Variants in TDRD15 observed in about 807,000 individuals in gnomAD.
TDRD15 encodes tudor domain-containing protein 15.
For missense variants in TDRD15, 1,416 were observed against 904.7 expected, an observed-to-expected ratio of 1.57 and a Z score of -7.25; for synonymous variants, 503 against 314.5, an observed-to-expected ratio of 1.60 and a Z score of -6.34.
chr2:21,142,360 A>G lies in TDRD15; in HGVS notation c.4893A>G (p.Arg1631=), dbSNP rs1252718766. Residue 1631 remains arginine, a synonymous_variant, in exon 4 of 4, where the codon AGA becomes AGG. Coordinates refer to ENST00000405799, the MANE Select transcript of TDRD15 (RefSeq NM_001306137.2). ...CNTKLLSNEI[R]NIPRQAVPCK... ...CCAAGCTGCTTAGTAATGAAATAAGAAACATTCCTAGACAAGCTGTACCTT... is the reference window on the plus strand; with the variant it reads ...CCAAGCTGCTTAGTAATGAAATAAGGAACATTCCTAGACAAGCTGTACCTT... 1 of 692,000 alleles carries G rather than the reference A, an allele frequency of 1.4e-6. No homozygotes were observed. Among genetic ancestry groups the G allele is most frequent in the African/African-American group, 1.8e-5 (1 of 55,746 alleles). The allele number at this position is 692,000 out of a possible 1,614,324, so 42.9% of individuals were successfully genotyped here.
chr2:21,136,527 T>C (rs537339836), intron 3 of TDRD15, among the ~76,000 whole-genome samples: 1 of 152,108 alleles, frequency 6.6e-6, no homozygotes, highest in African/African-American at 2.4e-5. Flanking sequence ...TTTAAGAGGT[T>C]CCCTCATTTT....
chr2:21,126,624 C>A (rs1319656383), intron 1 of TDRD15, among the ~76,000 whole-genome samples: 16 of 152,160 alleles, frequency 1.1e-4, no homozygotes, highest in Admixed American at 1.0e-3. Flanking sequence ...CCTTGGCCTC[C>A]CAAAGTGCTG....
chr2:21,138,920 A>T lies in TDRD15; in HGVS notation c.1453A>T (p.Ile485Leu). ...ACAAATGGAGATAGAGGCTGCCTAC[A>T]TAGCTTTTATAGCATATGTATTAAA... ...TVQMEIEAAY[I>L]AFIAYVLNPS... is the part of the protein sequence containing the mutation. The change falls in exon 4 of 4, where the codon ATA (isoleucine) becomes TTA (leucine). Residue 485 changes from isoleucine to leucine, a missense_variant. Coordinates refer to ENST00000405799, the MANE Select transcript of TDRD15 (RefSeq NM_001306137.2). 1.4e-6 allele frequency: 1 copy of T among 715,352 alleles called. No homozygotes were observed. Among genetic ancestry groups the T allele is most frequent in the South Asian group, 1.5e-5 (1 of 67,388 alleles). 44.3% of individuals were successfully genotyped at this position (715,352 alleles called of 1,614,324 possible).
In TDRD15 at chr2:21,139,424, A is replaced by G. The variant is rs933482625; in HGVS notation, c.1957A>G (p.Ile653Val). The G allele has an allele frequency of 1.4e-6, 1 of 712,738 alleles. No homozygotes were observed. Among genetic ancestry groups the G allele is most frequent in the Non-Finnish European group, 2.6e-6 (1 of 383,376 alleles). The allele number at this position is 712,738 out of a possible 1,614,324, so 44.2% of individuals were successfully genotyped here. The change falls in exon 4 of 4, where the codon ATC becomes GTC. Residue 653 changes from isoleucine to valine, a missense_variant. By Grantham distance (29) the Ile-to-Val change is conservative (BLOSUM62 3). Transcript: ENST00000405799. ...TGAAGCCTCAGAAAATATTGATGTT[A>G]TCTCTCTTATGTTACAAGCTGGATA... is the stretch of plus-strand genomic sequence containing the variant. The part of the protein sequence containing the change: ...SVEASENIDV[I>V]SLMLQAGYAE...
Position 21,140,863 on chromosome 2 carries a change from T to C in TDRD15, c.3396T>C (p.Asn1132=). The change falls in exon 4 of 4, where the codon AAT becomes AAC. Residue 1132 remains asparagine (N), a synonymous_variant. Coordinates refer to ENST00000405799, the MANE Select transcript of TDRD15 (RefSeq NM_001306137.2). ...IELYDGSQYI[N]EKIKVLLHAY... ...TGTATGATGGATCTCAATATATAAATGAGAAAATTAAAGTGTTGCTTCATG... is the reference window on the plus strand; with the variant it reads ...TGTATGATGGATCTCAATATATAAACGAGAAAATTAAAGTGTTGCTTCATG... 1.4e-6 allele frequency: 1 copy of C among 711,148 alleles called. No homozygotes were observed. Among genetic ancestry groups the C allele is most frequent in the Non-Finnish European group, 2.6e-6 (1 of 382,480 alleles). The allele number at this position is 711,148 out of a possible 1,614,324, so 44.1% of individuals were successfully genotyped here.
intron 3 of TDRD15, among the ~76,000 whole-genome samples, chr2:21,136,246 CTT>C (rs1665804871): frequency 6.6e-6 from 1 of 151,956 alleles, no homozygotes; most frequent in Non-Finnish European, 1.5e-5. Context: ...AACATTTAGA[CTT>C]TGGTGAGACT....
chr2:21,137,581 A>G lies in TDRD15; in HGVS notation c.114A>G (p.Glu38=), dbSNP rs1665831590. The G allele has an allele frequency of 1.4e-6, 1 of 715,644 alleles. No individual in the cohort carries two copies. 44.3% of individuals were successfully genotyped at this position (715,644 alleles called of 1,614,324 possible). ...AATTTCAAGGCATAAAGAGTAATGA[A>G]TGTGAGTTTGACTACCATGTATTGC... The part of the protein sequence containing the change: ...LVKFQGIKSN[E]CEFDYHVLQR... The change falls in exon 4 of 4, where the codon GAA becomes GAG. Residue 38 remains glutamate, a synonymous_variant. Transcript: ENST00000405799.
At position 21,140,793 on chromosome 2, in the gene TDRD15, C is replaced by T. The variant is rs542379930; in HGVS notation, c.3326C>T (p.Ala1109Val). The change falls in exon 4 of 4, where the codon GCG becomes GTG. Residue 1109 changes from alanine to valine, a missense_variant. Physicochemically the swap from Ala to Val is moderately conservative, Grantham distance 64 (BLOSUM62 0). Transcript: ENST00000405799. ...AATTTCTTGGGAAGATCATTAAAGG[C>T]GATAATATTGTCCCAGGAGTCAGAT... ...KDNFLGRSLK[A>V]IILSQESDGQ... 11 of 715,192 alleles carry T rather than the reference C, an allele frequency of 1.5e-5. No individual in the cohort carries two copies. The highest frequency in any genetic ancestry group is 2.3e-5 in the Non-Finnish European group (9 of 383,588). The allele number at this position is 715,192 out of a possible 1,614,324, so 44.3% of individuals were successfully genotyped here. A position where few individuals can be genotyped will look rare whatever the true frequency, so the allele number is the denominator to read the frequency against.
chr2:21,136,468 A>G (rs999693817), intron 3 of TDRD15, among the ~76,000 whole-genome samples: 9 of 151,878 alleles, frequency 5.9e-5, no homozygotes, highest in South Asian at 2.1e-4. Flanking sequence ...GGACTTTGCT[A>G]TTTCTTTCAG....
intron 2 of TDRD15, among the ~76,000 whole-genome samples, chr2:21,132,253 G>A (rs1035954996): frequency 3.9e-5 from 6 of 152,040 alleles, no homozygotes; most frequent in South Asian, 2.1e-4. Context: ...TAGCTCTGTC[G>A]GACTTCATAA....
intron 2 of TDRD15, among the ~76,000 whole-genome samples, chr2:21,130,799 A>G (rs961650704): frequency 1.3e-5 from 2 of 152,200 alleles, no homozygotes; most frequent in African/African-American, 2.4e-5. Context: ...TAGTCATTGT[A>G]TTATTTACTA....
chr2:21,142,278 A>C lies in TDRD15; in HGVS notation c.4811A>C (p.Lys1604Thr), dbSNP rs1665951010. ...SKVEEKYVDD[K>T]VLVFLVDCGI... ...GTAGAAGAAAAGTATGTTGATGATAAAGTACTTGTTTTTTTAGTAGATTGT... is the reference window on the plus strand; with the variant it reads ...GTAGAAGAAAAGTATGTTGATGATACAGTACTTGTTTTTTTAGTAGATTGT... Residue 1604 changes from lysine to threonine, a missense_variant, in exon 4 of 4, where the codon AAA becomes ACA. Coordinates refer to ENST00000405799, the MANE Select transcript of TDRD15 (RefSeq NM_001306137.2). 1 of 692,438 alleles carries C rather than the reference A, an allele frequency of 1.4e-6. No homozygotes were observed. Among genetic ancestry groups the C allele is most frequent in the East Asian group, 2.7e-5 (1 of 37,040 alleles). 42.9% of individuals were successfully genotyped at this position (692,438 alleles called of 1,614,324 possible). A position where few individuals can be genotyped will look rare whatever the true frequency, so the allele number is the denominator to read the frequency against.
Position 21,143,248 on chromosome 2 carries a change from T to C in TDRD15, c.5781T>C (p.Thr1927=), listed in dbSNP as rs769634413. The part of the protein sequence containing the change: ...DSPHLDAITA[T]ESAKNPI ...CTCATCTTGATGCAATTACTGCTACTGAATCTGCTAAAAATCCAATATAAA... is the reference window on the plus strand; with the variant it reads ...CTCATCTTGATGCAATTACTGCTACCGAATCTGCTAAAAATCCAATATAAA... Residue 1927 remains threonine (T), a synonymous_variant, in exon 4 of 4, where the codon ACT becomes ACC. Coordinates refer to ENST00000405799, the MANE Select transcript of TDRD15 (RefSeq NM_001306137.2). 43 of 615,714 alleles carry C rather than the reference T, an allele frequency of 7.0e-5. 1 individual carries two copies. In the South Asian group the frequency reaches 7.7e-4, roughly 11 times the overall value. The allele number at this position is 615,714 out of a possible 1,614,324, so 38.1% of individuals were successfully genotyped here. A position where few individuals can be genotyped will look rare whatever the true frequency, so the allele number is the denominator to read the frequency against.
intron 3 of TDRD15, among the ~76,000 whole-genome samples, chr2:21,136,325 T>C (rs1408800270): frequency 6.6e-6 from 1 of 152,064 alleles, no homozygotes; most frequent in Non-Finnish European, 1.5e-5. Context: ...TTGGGGTATT[T>C]AGTCAAAATT....
In TDRD15 at chr2:21,140,831, A is replaced by G. The variant is rs1192925331; in HGVS notation, c.3364A>G (p.Ile1122Val). 5.6e-6 allele frequency: 4 copies of G among 714,778 alleles called. No individual in the cohort carries two copies. The highest frequency in any genetic ancestry group is 2.3e-4 in the Middle Eastern group (1 of 4,344). 44.3% of individuals were successfully genotyped at this position (714,778 alleles called of 1,614,324 possible). A position where few individuals can be genotyped will look rare whatever the true frequency, so the allele number is the denominator to read the frequency against. Residue 1122 changes from isoleucine to valine, a missense_variant, in exon 4 of 4, where the codon ATA becomes GTA. By Grantham distance (29) the Ile-to-Val change is conservative. Transcript: ENST00000405799. ...LSQESDGQLGIELYDGSQYIN... is the reference protein window; with the variant it reads ...LSQESDGQLGVELYDGSQYIN... ...CCAGGAGTCAGATGGACAGCTTGGT[A>G]TAGAATTGTATGATGGATCTCAATA...
At chr2:21,127,414 T>C (rs1665619648) in intron 1 of TDRD15, among the ~76,000 whole-genome samples, 187 bp from the exon 2 acceptor site, 1 of 152,252 alleles carries the variant, frequency 6.6e-6, no homozygotes, top group Admixed American at 6.5e-5. Context: ...TTTTCTGTTT[T>C]TTTCTGAGAA....
chr2:21,126,468 G>A (rs1665600117), intron 1 of TDRD15, among the ~76,000 whole-genome samples: 1 of 151,912 alleles, frequency 6.6e-6, no homozygotes, highest in South Asian at 2.1e-4. Context: ...CCGGGTTCAA[G>A]CGATTCTCCT....
At chr2:21,137,103 C>T (rs1342690434) in intron 3 of TDRD15, among the ~76,000 whole-genome samples, 1 of 151,988 alleles carries the variant, frequency 6.6e-6, no homozygotes, top group African/African-American at 2.4e-5. Flanking sequence ...AGGAGGTCCC[C>T]AGTGAGGCTA....
At position 21,143,247 on chromosome 2, in the gene TDRD15, C is replaced by T. The variant is rs1168133322; in HGVS notation, c.5780C>T (p.Thr1927Ile). The T allele has an allele frequency of 1.6e-6, 1 of 614,800 alleles. No individual in the cohort carries two copies. The allele number at this position is 614,800 out of a possible 1,614,324, so 38.1% of individuals were successfully genotyped here. The change falls in exon 4 of 4, where the codon ACT becomes ATT. Residue 1927 changes from threonine (T) to isoleucine (I), a missense_variant. Thr to Ile is a moderately conservative substitution (Grantham distance 89, BLOSUM62 -1). Coordinates refer to ENST00000405799, the MANE Select transcript of TDRD15 (RefSeq NM_001306137.2). ...DSPHLDAITA[T>I]ESAKNPI ...CCTCATCTTGATGCAATTACTGCTA[C>T]TGAATCTGCTAAAAATCCAATATAA...
Sources: gnomAD v4.1 joint callset for allele counts (sites outside exome capture counted in the v4.1 genomes callset) on GRCh38, gnomAD v4.1.1 for gene constraint, MANE v1.5 for transcripts, NCBI Gene and HGNC (gene_info 2026-07-23, HGNC 2026-07-21) for gene names.